Variants in RHCE observed in about 807,000 individuals in gnomAD.
RHCE encodes the protein Rh blood group CcEe antigens.
RHCE carries 22 observed loss-of-function variants against 43.8 expected under a neutral mutation model. The observed-to-expected ratio is 0.50, with a 90% confidence interval of 0.36 to 0.72. The LOEUF is 0.72. RHCE is among the 30% of genes least tolerant of loss of function. RHCE has a pLI of 0.00. For missense variants in RHCE, 385 were observed against 525.4 expected, an observed-to-expected ratio of 0.73 and a Z score of 2.61; for synonymous variants, 156 against 210.7, an observed-to-expected ratio of 0.74 and a Z score of 2.25.
At chr1:25,405,377 G>A (rs535219452) in intron 2 of RHCE, among the ~76,000 whole-genome samples, 10 of 152,278 alleles carry the variant, frequency 6.6e-5, no homozygotes, top group Middle Eastern at 3.4e-3. Context: ...TTTAGGCCGG[G>A]CACAGTGGCT....
At chr1:25,408,616 T>G in intron 2 of RHCE, 67 bp downstream of exon 2, 2 of 1,063,270 alleles carry the variant, frequency 1.9e-6, no homozygotes, top group African/African-American at 1.4e-5. Flanking sequence ...CCAGATCTTC[T>G]GGAACCTGTC....
chr1:25,422,439 TA>T (rs1385022009), upstream of RHCE, among the ~76,000 whole-genome samples: 1 of 152,244 alleles, frequency 6.6e-6, no homozygotes, highest in East Asian at 1.9e-4. Context: ...TGCAAACCAC[TA>T]AAACATTGGT....
At chr1:25,388,949 G>A in intron 6 of RHCE, 27 bp downstream of exon 6, 1 of 1,614,264 alleles carries the variant, frequency 6.2e-7, no homozygotes, top group Non-Finnish European at 8.5e-7. Flanking sequence ...AGCCAAAGCA[G>A]AGAGCATTAG....
chr1:25,377,972 A>AC (rs2124350701), intron 7 of RHCE, among the ~76,000 whole-genome samples: 1 of 152,344 alleles, frequency 6.6e-6, no homozygotes, highest in South Asian at 2.1e-4. Flanking sequence ...AGGAATTCCT[A>AC]AAATCAATAA....
chr1:25,420,736 G>A lies in RHCE; in HGVS notation c.51C>T (p.Ala17=). The A allele has an allele frequency of 6.2e-7, 1 of 1,609,192 alleles. No individual in the cohort carries two copies. Among genetic ancestry groups the A allele is most frequent in the Admixed American group, 1.7e-5 (1 of 59,668 alleles). ...RSVRRCLPLC[A]LTLEAALILL... ...GAATGAGAGCTGCTTCCAGTGTTAG[G>A]GCGCAGAGGGGCAGGCAGCGCCGGA... Residue 17 remains alanine, a synonymous_variant, in exon 1 of 10, where the codon GCC becomes GCT. Coordinates refer to ENST00000294413, the MANE Select transcript of RHCE (RefSeq NM_020485.8).
intron 7 of RHCE, among the ~76,000 whole-genome samples, chr1:25,375,638 T>C (rs1391206540): frequency 2.1e-5 from 3 of 146,070 alleles, no homozygotes; most frequent in Admixed American, 6.7e-5. Flanking sequence ...GATTCCAAGA[T>C]TGTGGCTTAT....
chr1:25,391,705 G>T (rs1442225361), intron 4 of RHCE, among the ~76,000 whole-genome samples: 3 of 151,934 alleles, frequency 2.0e-5, no homozygotes, highest in East Asian at 3.9e-4. Flanking sequence ...TCACTTGTCC[G>T]TTTCCCTCCT....
chr1:25,385,636 T>A lies in RHCE; in HGVS notation c.1073+75A>T, dbSNP rs1225184252. ...TGGCCCCGAGTGCACACGCCCCAGC[T>A]AAGGACTCTGCACACATTTCTTCCT... On this transcript the variant is annotated intron_variant, in intron 7 of 9. Transcript: ENST00000294413. 11 of 1,609,716 alleles carry A rather than the reference T, an allele frequency of 6.8e-6. No homozygotes were observed. The Admixed American group carries it at 1.5e-4, about 22-fold the overall frequency.
At chr1:25,370,944 T>TG (rs1431310725) in intron 8 of RHCE, among the ~76,000 whole-genome samples, 1 of 145,450 alleles carries the variant, frequency 6.9e-6, no homozygotes, top group Non-Finnish European at 1.5e-5. Flanking sequence ...TTTAGTAGGA[T>TG]GGGGTTTCAC....
chr1:25,382,637 C>T (rs1358800321), intron 7 of RHCE, among the ~76,000 whole-genome samples: 1 of 152,026 alleles, frequency 6.6e-6, no homozygotes, highest in Non-Finnish European at 1.5e-5. Context: ...AACACATGTC[C>T]TCACAGCAGC....
At chr1:25,374,354 C>T (rs1645721135) in intron 8 of RHCE, among the ~76,000 whole-genome samples, 1 of 152,030 alleles carries the variant, frequency 6.6e-6, no homozygotes, top group South Asian at 2.1e-4. Context: ...TCCCAAACTG[C>T]TGCAATTACA....
intron 4 of RHCE, among the ~76,000 whole-genome samples, chr1:25,391,209 G>T (rs1490145627): frequency 6.6e-6 from 1 of 152,028 alleles, no homozygotes; most frequent in East Asian, 1.9e-4. Flanking sequence ...AATTGAGATG[G>T]ACTCTTGCTC....
At chr1:25,393,120 C>T (rs1344079122) in intron 3 of RHCE, among the ~76,000 whole-genome samples, 1 of 152,160 alleles carries the variant, frequency 6.6e-6, no homozygotes, top group Non-Finnish European at 1.5e-5. Context: ...ATTTAGTGGG[C>T]TACTGGAGAA....
At chr1:25,382,723 T>G (rs1470909604) in intron 7 of RHCE, among the ~76,000 whole-genome samples, 1 of 152,084 alleles carries the variant, frequency 6.6e-6, no homozygotes, top group Non-Finnish European at 1.5e-5. Flanking sequence ...AGAATTCCAA[T>G]GTTTTGTGGC....
chr1:25,379,487 ATATATATATTTTT>A (rs1242670783), intron 7 of RHCE, among the ~76,000 whole-genome samples: 2 of 20,964 alleles, frequency 9.5e-5, no homozygotes, highest in Admixed American at 9.1e-4. Context: ...ATATATATAT[ATATATATATTTTT>A]TTTTTTTTTT....
intron 1 of RHCE, among the ~76,000 whole-genome samples, chr1:25,419,410 A>G (rs1380935876): frequency 2.0e-5 from 3 of 152,112 alleles, no homozygotes; most frequent in South Asian, 4.1e-4. Context: ...CTTAAATGGT[A>G]TAAGGGCTTC....
intron 8 of RHCE, among the ~76,000 whole-genome samples, chr1:25,372,511 C>T (rs551732628): frequency 1.3e-4 from 19 of 150,820 alleles, no homozygotes; most frequent in South Asian, 2.1e-4. Context: ...AAGAGCAAAA[C>T]TCCGTCTAAA....
chr1:25,371,405 C>A (rs1645607956), intron 8 of RHCE, among the ~76,000 whole-genome samples: 1 of 151,394 alleles, frequency 6.6e-6, no homozygotes, highest in Admixed American at 6.6e-5. Flanking sequence ...GGGTCTCATT[C>A]TGTTATCCAG....
At chr1:25,386,007 G>A (rs992122162) in intron 6 of RHCE, among the ~76,000 whole-genome samples, 163 bp from the exon 7 acceptor site, 1 of 152,112 alleles carries the variant, frequency 6.6e-6, no homozygotes, top group African/African-American at 2.4e-5. Flanking sequence ...CACATCAATG[G>A]GGAGTTTGTT....
Sources: gnomAD v4.1 joint callset for allele counts (sites outside exome capture counted in the v4.1 genomes callset) on GRCh38, gnomAD v4.1.1 for gene constraint, MANE v1.5 for transcripts, NCBI Gene and HGNC (gene_info 2026-07-23, HGNC 2026-07-21) for gene names.